The following PID1 variants were observed in gnomAD, a reference collection of about 807,000 sequenced individuals.
PID1 encodes PTB-containing, cubilin and LRP1-interacting protein.
Under a neutral mutation model 19.1 loss-of-function variants are expected in PID1, and 10 were observed. The observed-to-expected ratio is 0.52, with a 90% CI of 0.32 to 0.89. The LOEUF (loss-of-function observed/expected upper bound fraction) is 0.89, where lower values mean the gene tolerates loss of function less well. Among genes scored for constraint, PID1 ranks in the 40% least tolerant of loss-of-function variants. The probability of loss-of-function intolerance (pLI) is 0.03; values close to 1 mark genes in which losing one functional copy is unlikely to be tolerated. For missense variants in PID1, 248 were observed against 285.3 expected (o/e 0.87, Z 0.94); for synonymous variants, 130 against 116.0 (o/e 1.12, Z -0.78).
intron 2 of PID1, among the ~76,000 whole-genome samples, chr2:229,086,743 A>G (rs1009073265): frequency 6.6e-6 from 1 of 152,174 alleles, no homozygotes; most frequent in Admixed American, 6.5e-5. Context: ...GTCTCCTGGC[A>G]TGAGTGGTAA....
chr2:229,176,945 A>G (rs1447018108), intron 1 of PID1, among the ~76,000 whole-genome samples: 1 of 152,222 alleles, frequency 6.6e-6, no homozygotes, highest in Non-Finnish European at 1.5e-5. Flanking sequence ...AGACATACCC[A>G]AGACTGGGCA....
At chr2:229,062,118 A>G (rs1694224285) in intron 2 of PID1, among the ~76,000 whole-genome samples, 1 of 151,914 alleles carries the variant, frequency 6.6e-6, no homozygotes, top group Admixed American at 6.6e-5. Flanking sequence ...ACAACTTTCA[A>G]TACTATGCTG....
intron 2 of PID1, among the ~76,000 whole-genome samples, chr2:229,037,544 G>T (rs776144110): frequency 6.6e-6 from 1 of 152,194 alleles, no homozygotes; most frequent in Non-Finnish European, 1.5e-5. Flanking sequence ...GATGTGTGAA[G>T]CTTGGAAATA....
At chr2:229,063,442 T>G (rs1421529407) in intron 2 of PID1, among the ~76,000 whole-genome samples, 1 of 152,126 alleles carries the variant, frequency 6.6e-6, no homozygotes, top group African/African-American at 2.4e-5. Flanking sequence ...CCAAAATTCT[T>G]CCTGTTGTTG....
At chr2:229,133,739 T>C (rs1355783484) in intron 2 of PID1, among the ~76,000 whole-genome samples, 1 of 152,224 alleles carries the variant, frequency 6.6e-6, no homozygotes, top group Non-Finnish European at 1.5e-5. Context: ...TTTTTCAATC[T>C]CAGAATTATT....
chr2:229,112,154 A>G (rs1170300295), intron 2 of PID1, among the ~76,000 whole-genome samples: 1 of 152,246 alleles, frequency 6.6e-6, no homozygotes, highest in Non-Finnish European at 1.5e-5. Context: ...AACGATTTCA[A>G]TCATGCAAAG....
chr2:229,124,098 T>C (rs1469850636), intron 2 of PID1, among the ~76,000 whole-genome samples: 1 of 152,166 alleles, frequency 6.6e-6, no homozygotes, highest in East Asian at 1.9e-4. Context: ...CTGTATGTGT[T>C]TGATAAATTA....
intron 2 of PID1, among the ~76,000 whole-genome samples, chr2:229,071,098 C>T (rs1484738393): frequency 3.3e-5 from 5 of 151,676 alleles, no homozygotes; most frequent in South Asian, 4.2e-4. Context: ...TACTTGATAC[C>T]GACAAAGAGT....
At chr2:229,123,589 G>A (rs1695564921) in intron 2 of PID1, among the ~76,000 whole-genome samples, 1 of 152,162 alleles carries the variant, frequency 6.6e-6, no homozygotes, top group Admixed American at 6.5e-5. Flanking sequence ...ACTATTTAAG[G>A]AATTACCACG....
chr2:229,075,064 T>C (rs1026709604), intron 2 of PID1, among the ~76,000 whole-genome samples: 4 of 152,324 alleles, frequency 2.6e-5, no homozygotes, highest in Middle Eastern at 6.8e-3. Context: ...CCAAACATCA[T>C]CACCTAGCCT....
At chr2:229,249,537 G>A (rs528038703) in intron 1 of PID1, among the ~76,000 whole-genome samples, 1 of 152,310 alleles carries the variant, frequency 6.6e-6, no homozygotes, top group Non-Finnish European at 1.5e-5. Context: ...GTGCAATGGG[G>A]CACACAAAGA....
At chr2:229,102,685 T>A (rs1695097552) in intron 2 of PID1, among the ~76,000 whole-genome samples, 1 of 152,202 alleles carries the variant, frequency 6.6e-6, no homozygotes, top group African/African-American at 2.4e-5. Context: ...GTCATCTTAA[T>A]AGAACCCTCT....
chr2:229,209,386 CA>C (rs1445260711), intron 1 of PID1, among the ~76,000 whole-genome samples: 1 of 152,164 alleles, frequency 6.6e-6, no homozygotes, highest in Non-Finnish European at 1.5e-5. Context: ...GAGTTCTAGC[CA>C]ATGGAATGTG....
At chr2:229,206,743 T>TC (rs1268224280) in intron 1 of PID1, among the ~76,000 whole-genome samples, 2 of 152,210 alleles carry the variant, frequency 1.3e-5, no homozygotes, top group Non-Finnish European at 2.9e-5. Context: ...AGGCTCATGC[T>TC]CTGTCAACCA....
chr2:229,220,490 T>C (rs2106257940), intron 1 of PID1, among the ~76,000 whole-genome samples: 1 of 152,240 alleles, frequency 6.6e-6, no homozygotes, highest in South Asian at 2.1e-4. Flanking sequence ...TGCTCTCCAG[T>C]GAACCAATAG....
rs752450558 is a variant in PID1 at position 229,210,139 on chromosome 2, T to TA, written c.31-54176dup. Among the ~76,000 whole-genome samples, 445 of 133,130 alleles carry TA rather than the reference T, an allele frequency of 3.3e-3. 3 individuals carry two copies. Among genetic ancestry groups the TA allele is most frequent in the East Asian group, 8.8e-3 (41 of 4,658 alleles). 87.3% of individuals were successfully genotyped at this position (133,130 alleles called of 152,430 possible). A position where few individuals can be genotyped will look rare whatever the true frequency, so the allele number is the denominator to read the frequency against. On this transcript the variant is annotated intron_variant, in intron 1 of 2. Coordinates refer to ENST00000392055, the MANE Select transcript of PID1 (RefSeq NM_001100818.2). The stretch of plus-strand genomic sequence containing the variant: ...GTATCAGACAGCGACTACTTGAACT[T>TA]AAAAAAAAAAAAAAAAGTAAAATAT...
At position 229,177,731 on chromosome 2, in the gene PID1, T is replaced by TCATCATCATCATCATCATCAC. The variant is rs561770819; in HGVS notation, c.31-21768_31-21767insGTGATGATGATGATGATGATG. Among the ~76,000 whole-genome samples, 33 of 151,598 alleles carry TCATCATCATCATCATCATCAC rather than the reference T, an allele frequency of 2.2e-4. No homozygotes were observed. The South Asian group carries it at 5.6e-3, about 26-fold the overall frequency. On this transcript the variant is annotated intron_variant, in intron 1 of 2. Coordinates refer to ENST00000392055, the MANE Select transcript of PID1 (RefSeq NM_001100818.2). ...CCAGTTGAACCCCTGGCATCTTTCA[T>TCATCATCATCATCATCATCAC]CATCATCATCATCATCATCATCATT...
At chr2:229,057,634 A>T (rs1260401356) in intron 2 of PID1, among the ~76,000 whole-genome samples, 6 of 152,164 alleles carry the variant, frequency 3.9e-5, no homozygotes, top group East Asian at 1.9e-4. Flanking sequence ...AAAATACCTA[A>T]ATAATGTATC....
chr2:229,222,864 A>AACACACAC lies in PID1; in HGVS notation c.30+48142_30+48149dup, dbSNP rs72386398. ...ATTTTAAAAAGTCTCTTCACACACA[A>AACACACAC]ACACACACACACACACACACACACA... On this transcript the variant is annotated intron_variant, in intron 1 of 2. Transcript: ENST00000392055. Among the ~76,000 whole-genome samples, 102 of 103,978 alleles carry AACACACAC rather than the reference A, an allele frequency of 9.8e-4. 1 individual carries two copies. The highest frequency in any genetic ancestry group is 3.8e-3 in the African/African-American group (88 of 22,866). 68.2% of individuals were successfully genotyped at this position (103,978 alleles called of 152,430 possible). A position where few individuals can be genotyped will look rare whatever the true frequency, so the allele number is the denominator to read the frequency against.
Sources: allele counts gnomAD v4.1 joint callset (sites outside exome capture counted in the v4.1 genomes callset), GRCh38; gene constraint gnomAD v4.1.1; transcripts MANE v1.5; gene names NCBI Gene and HGNC (gene_info 2026-07-23, HGNC 2026-07-21).